BACE2: variants seen among roughly 807,000 people sequenced by gnomAD.
BACE2 encodes beta-secretase 2.
A neutral mutation model predicts 46.2 loss-of-function variants in BACE2; 17 were observed. The observed-to-expected ratio is 0.37, with a 90% CI of 0.25 to 0.55. The LOEUF (loss-of-function observed/expected upper bound fraction) is 0.55, where lower values mean the gene tolerates loss of function less well. Ranked by LOEUF, BACE2 falls within the 20% of genes least tolerant of loss-of-function variation. The pLI is 0.82. For synonymous variants in BACE2, 277 were observed against 295.9 expected, an observed-to-expected ratio of 0.94 and a Z score of 0.66; for missense variants, 595 against 698.1, an observed-to-expected ratio of 0.85 and a Z score of 1.66.
intron 2 of BACE2, among the ~76,000 whole-genome samples, chr21:41,229,099 A>G (rs8130265): frequency 0.081 from 12,363 of 152,208 alleles, 1,621 homozygotes; most frequent in African/African-American, 0.27. Context: ...CAAAGTTTCC[A>G]AAACTTCCCC....
At chr21:41,250,624 T>C (rs1357703260) in intron 6 of BACE2, 128 bp from the exon 7 acceptor site, 1 of 792,258 alleles carries the variant, frequency 1.3e-6, no homozygotes, top group East Asian at 2.5e-5. Context: ...ATGTCCCTGC[T>C]GTTCTGTCCA....
chr21:41,199,752 T>C lies in BACE2; in HGVS notation c.313-26514T>C, dbSNP rs963639141. 3.9e-5 allele frequency among the ~76,000 whole-genome samples: 6 copies of C among 152,206 alleles called. 1 individual carries two copies. Among genetic ancestry groups the C allele is most frequent in the Admixed American group, 6.5e-5 (1 of 15,290 alleles). ...AAGCAGAGCCTCTCCCAGCCCCAGC[T>C]CTCACTGGCAGGCAAGGTGGTGTGT... On this transcript the variant is annotated intron_variant, in intron 1 of 8. Coordinates refer to ENST00000330333, the MANE Select transcript of BACE2 (RefSeq NM_012105.5).
chr21:41,194,396 CCTT>C (rs1477654489), intron 1 of BACE2, among the ~76,000 whole-genome samples: 3 of 152,282 alleles, frequency 2.0e-5, no homozygotes, highest in East Asian at 1.9e-4. Flanking sequence ...GAATAAAACA[CCTT>C]CTCAGCTCGC....
intron 6 of BACE2, among the ~76,000 whole-genome samples, chr21:41,247,730 G>A (rs914186): frequency 0.69 from 104,678 of 152,132 alleles, 36,204 homozygotes; most frequent in East Asian, 0.84. Flanking sequence ...ACGAGGTAGA[G>A]GGAATGAGAT....
At chr21:41,260,249 A>G (rs542087330) in intron 8 of BACE2, among the ~76,000 whole-genome samples, 4 of 152,188 alleles carry the variant, frequency 2.6e-5, no homozygotes, top group South Asian at 4.2e-4. Context: ...GGCTCAAGCA[A>G]TCCTCCCACC....
chr21:41,209,618 G>A (rs1242625400), intron 1 of BACE2, among the ~76,000 whole-genome samples: 7 of 152,176 alleles, frequency 4.6e-5, no homozygotes, highest in Non-Finnish European at 8.8e-5. Flanking sequence ...GCAGGACAAG[G>A]CACGATGCTC....
intron 1 of BACE2, chr21:41,179,754 G>T: frequency 2.3e-6 from 2 of 870,804 alleles, no homozygotes; most frequent in Non-Finnish European, 3.3e-6. Flanking sequence ...GGTGCCTGGT[G>T]TGGGGTGGGG....
intron 1 of BACE2, among the ~76,000 whole-genome samples, chr21:41,220,217 C>G (rs1473646346): frequency 3.9e-5 from 6 of 152,166 alleles, no homozygotes; most frequent in Non-Finnish European, 1.5e-5. Context: ...CCGTGCCCCC[C>G]CTGTACACGC....
At chr21:41,231,417 C>T (rs1986963900) in intron 2 of BACE2, among the ~76,000 whole-genome samples, 1 of 152,164 alleles carries the variant, frequency 6.6e-6, no homozygotes. Context: ...CCAGGGAAGT[C>T]CTGAGCAGAA....
At chr21:41,242,707 C>G (rs1251125688) in intron 4 of BACE2, among the ~76,000 whole-genome samples, 4 of 152,254 alleles carry the variant, frequency 2.6e-5, no homozygotes, top group South Asian at 4.1e-4. Context: ...CTCCAAGGAA[C>G]TAAATAATTG....
chr21:41,251,802 A>C (rs1163356523), intron 7 of BACE2, among the ~76,000 whole-genome samples: 1 of 151,846 alleles, frequency 6.6e-6, no homozygotes, highest in South Asian at 2.1e-4. Context: ...TCTGTCTCAG[A>C]AAAAAAACAA....
At chr21:41,258,900 A>G (rs186905429) in intron 8 of BACE2, among the ~76,000 whole-genome samples, 4 of 152,338 alleles carry the variant, frequency 2.6e-5, no homozygotes, top group Admixed American at 2.0e-4. Context: ...CTGTTCAGTT[A>G]TCATTGAGTG....
intron 1 of BACE2, among the ~76,000 whole-genome samples, chr21:41,208,079 C>G (rs1986184239): frequency 6.6e-6 from 1 of 152,206 alleles, no homozygotes; most frequent in Non-Finnish European, 1.5e-5. Context: ...AAAGTCGTCT[C>G]CCATACACAG....
intron 8 of BACE2, among the ~76,000 whole-genome samples, chr21:41,260,769 C>T (rs1987913810): frequency 6.6e-6 from 1 of 152,224 alleles, no homozygotes; most frequent in Admixed American, 6.5e-5. Context: ...CAGAATGACC[C>T]TGATATGATG....
intron 1 of BACE2, chr21:41,181,701 G>A (rs1313152069): frequency 6.0e-6 from 1 of 167,070 alleles, no homozygotes; most frequent in Non-Finnish European, 1.5e-5. Context: ...GGTCCAGGGG[G>A]GATCCACTAA....
Position 41,275,645 on chromosome 21 carries a change from G to A in BACE2, c.*21G>A. ...AATGAATAGCCAGGCCTGACCTCAA[G>A]CAACCATGAACTCAGCTATTAAGAA... On this transcript the variant is annotated 3_prime_UTR_variant, in exon 9 of 9. Transcript: ENST00000330333. 6.2e-7 allele frequency: 1 copy of A among 1,611,862 alleles called. No homozygotes were observed. The highest frequency in any genetic ancestry group is 8.5e-7 in the Non-Finnish European group (1 of 1,178,774).
In BACE2 at chr21:41,280,803, G is replaced by A. The variant is rs1229127614; in HGVS notation, c.*5179G>A. The A allele has an allele frequency of 6.6e-6, 1 of 152,256 alleles. No individual in the cohort carries two copies. The highest frequency in any genetic ancestry group is 1.5e-5 in the Non-Finnish European group (1 of 68,062). 9.4% of individuals were successfully genotyped at this position (152,256 alleles called of 1,614,324 possible). On this transcript the variant is annotated 3_prime_UTR_variant, in exon 9 of 9. Transcript: ENST00000330333. ...TTCTTCCCTGCCCTGAGCTTCCTCT[G>A]GGTTTCTTATCAGCAGCTATTACAC... is the stretch of plus-strand genomic sequence containing the variant.
rs377463166 is a variant in BACE2, at chr21:41,198,428, G to A, written c.313-27838G>A. Among the ~76,000 whole-genome samples, 99 of 152,286 alleles carry A rather than the reference G, an allele frequency of 6.5e-4. 1 individual carries two copies. The South Asian group carries it at 0.02, about 31-fold the overall frequency. ...AAATTGCCTGTTTCTGAGTTGAGTC[G>A]TAGTGTATCTGGGTACTCAGGCTAG... On this transcript the variant is annotated intron_variant, in intron 1 of 8. Coordinates refer to ENST00000330333, the MANE Select transcript of BACE2 (RefSeq NM_012105.5).
chr21:41,189,195 A>T (rs1242121624), intron 1 of BACE2, among the ~76,000 whole-genome samples: 1 of 88,236 alleles, frequency 1.1e-5, no homozygotes, highest in Non-Finnish European at 2.1e-5. Flanking sequence ...CTGGATCTTT[A>T]AAAAAAAAAA....
Sources: allele counts gnomAD v4.1 joint callset (sites outside exome capture counted in the v4.1 genomes callset), GRCh38; gene constraint gnomAD v4.1.1; transcripts MANE v1.5; gene names NCBI Gene and HGNC (gene_info 2026-07-23, HGNC 2026-07-21).